Variants in GUCY1A2 observed in about 807,000 individuals in gnomAD.
GUCY1A2 encodes guanylate cyclase 1 soluble subunit alpha 2.
In GUCY1A2, 27 loss-of-function variants were observed where a neutral mutation model predicts 63.5. The ratio of observed to expected loss-of-function variants is 0.43; its 90% confidence interval spans 0.31 to 0.59. The LOEUF (loss-of-function observed/expected upper bound fraction) is 0.59. Among genes scored for constraint, GUCY1A2 ranks in the 20% least tolerant of loss-of-function variants. The pLI, the probability that GUCY1A2 is intolerant of heterozygous loss-of-function variation, is 0.11. For missense variants in GUCY1A2, 768 were observed against 913.3 expected, an observed-to-expected ratio of 0.84 and a Z score of 2.05; for synonymous variants, 364 against 343.5, an observed-to-expected ratio of 1.06 and a Z score of -0.66.
In GUCY1A2 at chr11:106,746,634, T is replaced by C. The variant is rs74536599; in HGVS notation, c.1836+29805A>G. 89 of 1,591,066 alleles carry C rather than the reference T, an allele frequency of 5.6e-5. No individual in the cohort carries two copies. In the African/African-American group the frequency reaches 1.1e-3, roughly 20 times the overall value. On this transcript the variant is annotated intron_variant, in intron 6 of 7. Coordinates refer to ENST00000526355, the MANE Select transcript of GUCY1A2 (RefSeq NM_000855.3). ...ACAGGAAAGGAGAAAAGGAGTTCAC[T>C]CCTCTGGGGCTTGAAAAGTCACACC...
At chr11:106,986,033 T>C in intron 2 of GUCY1A2, 37 bp downstream of exon 2, 1 of 1,004,764 alleles carries the variant, frequency 1.0e-6, no homozygotes, top group Non-Finnish European at 1.6e-6. Flanking sequence ...TACCTTTAAT[T>C]TGTCCCCAAT....
intron 7 of GUCY1A2, among the ~76,000 whole-genome samples, chr11:106,702,106 T>C (rs932795860): frequency 6.6e-6 from 1 of 152,090 alleles, no homozygotes; most frequent in African/African-American, 2.4e-5. Flanking sequence ...TCAGTTTTTC[T>C]CATCTGAAAA....
chr11:106,734,163 AAC>A (rs1469537644), intron 6 of GUCY1A2, among the ~76,000 whole-genome samples: 20 of 152,142 alleles, frequency 1.3e-4, no homozygotes, highest in Non-Finnish European at 2.4e-4. Context: ...CCTCAGAAAA[AAC>A]ACAGAGTTGA....
chr11:106,872,068 A>G (rs1043908740), intron 4 of GUCY1A2, among the ~76,000 whole-genome samples: 5 of 152,164 alleles, frequency 3.3e-5, no homozygotes, highest in Admixed American at 6.6e-5. Flanking sequence ...CACAGGATTA[A>G]AAAACATAAG....
intron 5 of GUCY1A2, 81 bp from the exon 6 acceptor site, chr11:106,776,663 G>A (rs1864362582): frequency 2.2e-6 from 3 of 1,335,064 alleles, no homozygotes; most frequent in Middle Eastern, 1.9e-4. Flanking sequence ...AATCACAAAT[G>A]TTGCTGAAAA....
chr11:106,838,246 C>A (rs1859143499), intron 4 of GUCY1A2, among the ~76,000 whole-genome samples: 1 of 151,894 alleles, frequency 6.6e-6, no homozygotes, highest in South Asian at 2.1e-4. Flanking sequence ...TGCCTTACCC[C>A]CTTTCTAAAC....
rs1341435257 is a variant in GUCY1A2 at position 107,018,420 on chromosome 11, G to C, written c.-365C>G. On this transcript the variant is annotated 5_prime_UTR_variant, in exon 1 of 8. Coordinates refer to ENST00000526355, the MANE Select transcript of GUCY1A2 (RefSeq NM_000855.3). Reference sequence around the variant, plus strand: ...GCTCCGAGAGTGTGTGACCGCGGTCGGCGGGGCGGGGAGGGCTGCGGCCCA... The same window carrying C: ...GCTCCGAGAGTGTGTGACCGCGGTCCGCGGGGCGGGGAGGGCTGCGGCCCA... The C allele has an allele frequency of 6.7e-6, 1 of 150,158 alleles. No homozygotes were observed. Among genetic ancestry groups the C allele is most frequent in the Non-Finnish European group, 1.5e-5 (1 of 66,900 alleles). The allele number at this position is 150,158 out of a possible 1,614,324, so 9.3% of individuals were successfully genotyped here.
At chr11:106,847,104 T>C (rs904082325) in intron 4 of GUCY1A2, among the ~76,000 whole-genome samples, 2 of 151,252 alleles carry the variant, frequency 1.3e-5, no homozygotes, top group East Asian at 1.9e-4. Context: ...ATAAAAACCA[T>C]AGTTATACAT....
chr11:106,799,569 T>C (rs1307086543), intron 5 of GUCY1A2, among the ~76,000 whole-genome samples: 1 of 151,526 alleles, frequency 6.6e-6, no homozygotes. Flanking sequence ...CAGAACAGAG[T>C]TCTCAGAAAT....
intron 5 of GUCY1A2, among the ~76,000 whole-genome samples, chr11:106,794,269 T>C (rs1447881386): frequency 6.6e-6 from 1 of 152,130 alleles, no homozygotes; most frequent in Non-Finnish European, 1.5e-5. Context: ...ATGATCTCAC[T>C]TATGTGGAAT....
chr11:106,740,864 C>A (rs1352149346), intron 6 of GUCY1A2, among the ~76,000 whole-genome samples: 1 of 151,974 alleles, frequency 6.6e-6, no homozygotes, highest in Non-Finnish European at 1.5e-5. Flanking sequence ...GTAGAGACAG[C>A]GTTTCTCCAT....
At chr11:106,776,738 G>GCAAA (rs1418469240) in intron 5 of GUCY1A2, among the ~76,000 whole-genome samples, 156 bp from the exon 6 acceptor site, 1 of 152,162 alleles carries the variant, frequency 6.6e-6, no homozygotes, top group Non-Finnish European at 1.5e-5. Context: ...AGCAGAGTTT[G>GCAAA]CAAACAGCCA....
chr11:106,957,892 GA>G (rs1285768730), intron 3 of GUCY1A2, among the ~76,000 whole-genome samples: 1 of 103,228 alleles, frequency 9.7e-6, no homozygotes, highest in African/African-American at 4.1e-5. Flanking sequence ...TTTTTTTTCA[GA>G]AAAAAAAGGT....
At chr11:106,848,477 C>T (rs1859307687) in intron 4 of GUCY1A2, among the ~76,000 whole-genome samples, 1 of 151,628 alleles carries the variant, frequency 6.6e-6, no homozygotes, top group South Asian at 2.1e-4. Flanking sequence ...AGTGATATTA[C>T]AAAGCTCAAA....
rs544997435 is a variant in GUCY1A2, at chr11:107,009,534, T to A, written c.303+8219A>T. On this transcript the variant is annotated intron_variant, in intron 1 of 7. Coordinates refer to ENST00000526355, the MANE Select transcript of GUCY1A2 (RefSeq NM_000855.3). Reference sequence around the variant, plus strand: ...GGAAAAAGGGGTCACAAGATACTTATAGTAATGACATGCGAACTACTGAAC... The same window carrying A: ...GGAAAAAGGGGTCACAAGATACTTAAAGTAATGACATGCGAACTACTGAAC... Among the ~76,000 whole-genome samples, 7 of 152,332 alleles carry A rather than the reference T, an allele frequency of 4.6e-5. No individual in the cohort carries two copies. In the East Asian group the frequency reaches 1.3e-3, roughly 29 times the overall value.
intron 4 of GUCY1A2, among the ~76,000 whole-genome samples, chr11:106,880,779 A>C (rs1859812960): frequency 6.6e-6 from 1 of 152,096 alleles, no homozygotes; most frequent in Non-Finnish European, 1.5e-5. Context: ...GGGATATACA[A>C]GATGCAATAT....
At chr11:106,997,617 A>ACACC (rs1861556528) in intron 1 of GUCY1A2, among the ~76,000 whole-genome samples, 2 of 119,766 alleles carry the variant, frequency 1.7e-5, no homozygotes, top group Non-Finnish European at 1.7e-5. Context: ...AAGATAGGGA[A>ACACC]CCCCCCCCCC....
chr11:106,908,751 G>T (rs1266010174), intron 4 of GUCY1A2, among the ~76,000 whole-genome samples: 2 of 151,942 alleles, frequency 1.3e-5, no homozygotes, highest in Non-Finnish European at 2.9e-5. Flanking sequence ...AAATAGGTAC[G>T]ACCAGTTCTT....
intron 4 of GUCY1A2, among the ~76,000 whole-genome samples, chr11:106,934,398 A>T (rs1013182246): frequency 2.0e-5 from 3 of 152,214 alleles, no homozygotes; most frequent in Admixed American, 2.0e-4. Flanking sequence ...TCTCAAATTA[A>T]ATTAAGGTTG....
Sources: allele counts gnomAD v4.1 joint callset (sites outside exome capture counted in the v4.1 genomes callset), GRCh38; gene constraint gnomAD v4.1.1; transcripts MANE v1.5; gene names NCBI Gene and HGNC (gene_info 2026-07-23, HGNC 2026-07-21).